Variants in PPP3R1 observed in about 807,000 individuals in gnomAD.
PPP3R1 encodes the protein calcineurin subunit B type 1.
A neutral mutation model predicts 22.6 loss-of-function variants in PPP3R1; 5 were observed. The observed-to-expected ratio is 0.22, with a 90% CI of 0.12 to 0.46. The LOEUF is 0.46. PPP3R1 is among the 20% of genes least tolerant of loss of function. The pLI is 0.99. For missense variants in PPP3R1, 61 were observed against 203.2 expected (o/e 0.30, Z 4.25); for synonymous variants, 56 against 65.2 (o/e 0.86, Z 0.68).
At chr2:68,199,229 T>C (rs538671154) in intron 2 of PPP3R1, among the ~76,000 whole-genome samples, 1 of 152,342 alleles carries the variant, frequency 6.6e-6, no homozygotes, top group Non-Finnish European at 1.5e-5. Context: ...CCCAAAGTGC[T>C]AGGATTACAG....
Position 68,252,249 on chromosome 2 carries a change from G to T in PPP3R1, c.-122C>A. The T allele has an allele frequency of 9.2e-7, 1 of 1,086,116 alleles. No individual in the cohort carries two copies. The highest frequency in any genetic ancestry group is 1.1e-6 in the Non-Finnish European group (1 of 893,116). 67.3% of individuals were successfully genotyped at this position (1,086,116 alleles called of 1,614,324 possible). A position where few individuals can be genotyped will look rare whatever the true frequency, so the allele number is the denominator to read the frequency against. On this transcript the variant is annotated 5_prime_UTR_variant, in exon 1 of 6. Coordinates refer to ENST00000234310, the MANE Select transcript of PPP3R1 (RefSeq NM_000945.4). ...GCCCTCGGGTCGCCGGCGGGGAGGG[G>T]GCGCGCGTGGGGGAGGGGAGGCGGC...
intron 2 of PPP3R1, among the ~76,000 whole-genome samples, chr2:68,210,198 A>G (rs1234966478): frequency 2.0e-5 from 3 of 152,144 alleles, no homozygotes; most frequent in African/African-American, 7.2e-5. Flanking sequence ...CCTCTATTCC[A>G]ATTCTTACAA....
intron 1 of PPP3R1, among the ~76,000 whole-genome samples, chr2:68,239,646 CA>C (rs1367875681): frequency 1.3e-5 from 2 of 151,884 alleles, no homozygotes; most frequent in African/African-American, 2.4e-5. Flanking sequence ...ATCATCAGTA[CA>C]CAAGAAATAG....
chr2:68,207,393 G>A (rs1391019121), intron 2 of PPP3R1, among the ~76,000 whole-genome samples: 1 of 152,122 alleles, frequency 6.6e-6, no homozygotes. Flanking sequence ...TGATAAGAAA[G>A]AAGACTTACT....
At chr2:68,198,317 GTATATACATA>G in intron 2 of PPP3R1, among the ~76,000 whole-genome samples, 1 of 109,490 alleles carries the variant, frequency 9.1e-6, no homozygotes, top group Non-Finnish European at 1.9e-5. Flanking sequence ...ATACATATAT[GTATATACATA>G]TGTACATATA....
intron 1 of PPP3R1, among the ~76,000 whole-genome samples, chr2:68,230,049 G>C (rs1669865081): frequency 6.6e-6 from 1 of 151,402 alleles, no homozygotes; most frequent in African/African-American, 2.4e-5. Context: ...CTGGAGCGTA[G>C]CGGCACAATC....
At chr2:68,217,194 C>A in intron 1 of PPP3R1, 63 bp from the exon 2 acceptor site, 6 of 1,197,132 alleles carry the variant, frequency 5.0e-6, no homozygotes, top group South Asian at 1.4e-5. Flanking sequence ...AAATATTAAA[C>A]CTAAATATTT....
At chr2:68,189,505 ATC>A (rs1252737950) in intron 2 of PPP3R1, among the ~76,000 whole-genome samples, 2 of 152,242 alleles carry the variant, frequency 1.3e-5, no homozygotes, top group African/African-American at 4.8e-5. Context: ...CCTTTAAAAT[ATC>A]TGACTAATAC....
Position 68,188,708 on chromosome 2 carries a change from AG to A in PPP3R1, c.44-19del. 1 of 1,551,424 alleles carries A rather than the reference AG, an allele frequency of 6.4e-7. No individual in the cohort carries two copies. The highest frequency in any genetic ancestry group is 8.7e-7 in the Non-Finnish European group (1 of 1,153,570). ...CGCATCAACTAAAAGCAAACAAAAA[AG>A]GAAGCAAGAATTTTTTAAAAATGTT... On this transcript the variant is annotated intron_variant, in intron 2 of 5. Coordinates refer to ENST00000234310, the MANE Select transcript of PPP3R1 (RefSeq NM_000945.4).
chr2:68,227,200 G>T (rs943046864), intron 1 of PPP3R1, among the ~76,000 whole-genome samples: 1 of 151,940 alleles, frequency 6.6e-6, no homozygotes, highest in Non-Finnish European at 1.5e-5. Flanking sequence ...TTCTTTGCCA[G>T]AAAATTTCTT....
At position 68,220,736 on chromosome 2, in the gene PPP3R1, G is replaced by T. The variant is rs78612068; in HGVS notation, c.4-3605C>A. Among the ~76,000 whole-genome samples the T allele has an allele frequency of 6.9e-3, 1,051 of 152,202 alleles. 10 individuals are homozygous for T. Among genetic ancestry groups the T allele is most frequent in the African/African-American group, 0.024 (979 of 41,516 alleles). ...AAAATGGATGAACTTCAAAATCATGGTAAGTAAAAGAAGCCAAAAACAAAA... is the reference window on the plus strand; with the variant it reads ...AAAATGGATGAACTTCAAAATCATGTTAAGTAAAAGAAGCCAAAAACAAAA... On this transcript the variant is annotated intron_variant, in intron 1 of 5. Transcript: ENST00000234310.
intron 1 of PPP3R1, among the ~76,000 whole-genome samples, chr2:68,234,703 G>A (rs1420910334): frequency 6.6e-6 from 1 of 152,186 alleles, no homozygotes; most frequent in Non-Finnish European, 1.5e-5. Flanking sequence ...CTATTACATG[G>A]AAACTTTCCA....
In PPP3R1 at chr2:68,217,742, C is replaced by A. The variant is rs527365039; in HGVS notation, c.4-611G>T. Reference sequence around the variant, plus strand: ...TACAAAGTCTTATTTCATGAATAGACCCTAACTTAACATAATTTATCTGAG... The same window carrying A: ...TACAAAGTCTTATTTCATGAATAGAACCTAACTTAACATAATTTATCTGAG... On this transcript the variant is annotated intron_variant, in intron 1 of 5. Transcript: ENST00000234310. Among the ~76,000 whole-genome samples the A allele has an allele frequency of 1.4e-4, 21 of 152,084 alleles. No individual in the cohort carries two copies. In the South Asian group the frequency reaches 4.4e-3, roughly 32 times the overall value.
intron 1 of PPP3R1, among the ~76,000 whole-genome samples, chr2:68,229,075 G>C (rs1421790623): frequency 6.6e-6 from 1 of 152,082 alleles, no homozygotes; most frequent in Non-Finnish European, 1.5e-5. Flanking sequence ...CTTGAGTGTA[G>C]TGGCATGACA....
intron 1 of PPP3R1, among the ~76,000 whole-genome samples, chr2:68,229,973 T>TACAC (rs201152385): frequency 0.084 from 12,083 of 143,104 alleles, 679 homozygotes; most frequent in Non-Finnish European, 0.12. Flanking sequence ...TATACACACA[T>TACAC]ACACACACAC....
At chr2:68,235,742 A>AT (rs1670008272) in intron 1 of PPP3R1, among the ~76,000 whole-genome samples, 1 of 152,178 alleles carries the variant, frequency 6.6e-6, no homozygotes, top group African/African-American at 2.4e-5. Flanking sequence ...ACTAGGTCAT[A>AT]TGGTAACTCT....
At chr2:68,220,084 G>T (rs1319012349) in intron 1 of PPP3R1, among the ~76,000 whole-genome samples, 1 of 152,164 alleles carries the variant, frequency 6.6e-6, no homozygotes, top group African/African-American at 2.4e-5. Context: ...CATTTTCTGT[G>T]ATCATCTATA....
intron 2 of PPP3R1, among the ~76,000 whole-genome samples, chr2:68,216,599 T>C (rs575613846): frequency 8.5e-5 from 13 of 152,228 alleles, no homozygotes; most frequent in Non-Finnish European, 1.5e-4. Context: ...CCCATAAATA[T>C]GAAATATGAG....
At chr2:68,201,651 C>A (rs928000417) in intron 2 of PPP3R1, among the ~76,000 whole-genome samples, 10 of 152,278 alleles carry the variant, frequency 6.6e-5, no homozygotes, top group Admixed American at 2.0e-4. Context: ...ACTTCTATTT[C>A]ATTTTGCTAG....
Sources: allele counts gnomAD v4.1 joint callset (sites outside exome capture counted in the v4.1 genomes callset), GRCh38; gene constraint gnomAD v4.1.1; transcripts MANE v1.5; gene names NCBI Gene and HGNC (gene_info 2026-07-23, HGNC 2026-07-21).